The following EBF4 variants were observed in gnomAD, a reference collection of about 807,000 sequenced individuals.
EBF4 encodes EBF transcription factor 4.
In EBF4, 34 loss-of-function variants were observed where a neutral mutation model predicts 67.1. That is an observed-to-expected ratio of 0.51 (90% CI 0.39 to 0.67). The LOEUF is 0.67. EBF4 is among the 30% of genes least tolerant of loss of function. The probability of loss-of-function intolerance (pLI) is 0.00; values close to 1 mark genes in which losing one functional copy is unlikely to be tolerated. For synonymous variants in EBF4, 387 were observed against 377.7 expected, an observed-to-expected ratio of 1.02 and a Z score of -0.29; for missense variants, 837 against 873.3, an observed-to-expected ratio of 0.96 and a Z score of 0.52.
chr20:2,735,696 A>T (rs891643493), intron 6 of EBF4, among the ~76,000 whole-genome samples: 3 of 152,212 alleles, frequency 2.0e-5, no homozygotes, highest in Admixed American at 1.3e-4. Context: ...TTCTATCATG[A>T]ATCAATCAGC....
chr20:2,722,192 C>T (rs1296215716), intron 6 of EBF4, among the ~76,000 whole-genome samples: 1 of 152,116 alleles, frequency 6.6e-6, no homozygotes, highest in East Asian at 1.9e-4. Context: ...TGTGCCACTG[C>T]CCTCATTGAG....
rs565121552 is a variant in EBF4, at chr20:2,737,064, A to C, written c.558-11485A>C. Among the ~76,000 whole-genome samples, 4 of 152,106 alleles carry C rather than the reference A, an allele frequency of 2.6e-5. No individual in the cohort carries two copies. In the East Asian group the frequency reaches 5.8e-4, roughly 22 times the overall value. On this transcript the variant is annotated intron_variant, in intron 6 of 16. Transcript: ENST00000609451. ...GGAGATGGAGACCATCCTGGCTAAC[A>C]CGGTGAAACCCCGTCTCTACTAAAA...
chr20:2,718,616 C>G (rs2087640727), intron 6 of EBF4, among the ~76,000 whole-genome samples: 1 of 152,184 alleles, frequency 6.6e-6, no homozygotes, highest in Non-Finnish European at 1.5e-5. Flanking sequence ...TTTCTAGAAC[C>G]TATAGTGATG....
intron 6 of EBF4, among the ~76,000 whole-genome samples, chr20:2,740,589 G>A (rs996415969): frequency 6.6e-6 from 1 of 152,172 alleles, no homozygotes; most frequent in Non-Finnish European, 1.5e-5. Context: ...ATCTCATGGG[G>A]ATGCAGGGAA....
chr20:2,737,111 G>A (rs183492065), intron 6 of EBF4, among the ~76,000 whole-genome samples: 213 of 151,998 alleles, frequency 1.4e-3, no homozygotes, highest in East Asian at 2.3e-3. Context: ...TTAGCCGGGC[G>A]TGGTGGCGGG....
At chr20:2,752,113 G>A in exon 13 of EBF4, 1 of 1,463,462 alleles carries the variant, frequency 6.8e-7, no homozygotes, top group Non-Finnish European at 9.0e-7. Context: ...CGCGGCGGAC[G>A]TGGCCGAGGC....
intron 6 of EBF4, among the ~76,000 whole-genome samples, chr20:2,744,087 T>TA (rs1434506581): frequency 6.6e-6 from 1 of 151,420 alleles, no homozygotes; most frequent in Non-Finnish European, 1.5e-5. Flanking sequence ...TTTTTTTATT[T>TA]TTTTTTTTTT....
chr20:2,717,999 C>T lies in EBF4; in HGVS notation c.557+8357C>T, dbSNP rs1027558451. Among the ~76,000 whole-genome samples the T allele has an allele frequency of 5.9e-5, 9 of 151,952 alleles. 1 individual carries two copies. Among genetic ancestry groups the T allele is most frequent in the Admixed American group, 2.0e-4 (3 of 15,252 alleles). On this transcript the variant is annotated intron_variant, in intron 6 of 16. Transcript: ENST00000609451. ...CTAATTTTTGTATTTTTAGTAGAGA[C>T]GGAGTTTCACCATGTTGGTCAGGCT...
rs919254993 is a variant in EBF4, at chr20:2,755,377, G to A, written c.1541-250G>A. On this transcript the variant is annotated intron_variant, in intron 14 of 16. Transcript: ENST00000609451. The surrounding 1 kb of genome is among the most constrained non-coding windows in gnomAD (Gnocchi z 4.7). ...CTCCCACTGTTTGTTTTTTTTGAAT[G>A]TTCTGGTTTTGCTTTTGTCTTTACC... 5 of 492,110 alleles carry A rather than the reference G, an allele frequency of 1.0e-5. No individual in the cohort carries two copies. The highest frequency in any genetic ancestry group is 3.8e-5 in the Admixed American group (1 of 26,550). 30.5% of individuals were successfully genotyped at this position (492,110 alleles called of 1,614,324 possible).
At chr20:2,697,544 C>CA (rs756145663) in intron 1 of EBF4, among the ~76,000 whole-genome samples, 21 of 74,250 alleles carry the variant, frequency 2.8e-4, no homozygotes, top group South Asian at 8.9e-4. Flanking sequence ...GACTCTGTCT[C>CA]AAAAAAAAAA....
Position 2,693,711 on chromosome 20 carries a change from C to A in EBF4, c.66C>A (p.Pro22=), listed in dbSNP as rs766839682. Residue 22 remains proline, a synonymous_variant, in exon 1 of 17, where the codon CCC becomes CCA. Coordinates refer to ENST00000609451, the Ensembl canonical transcript of EBF4. This position sits in a 1 kb window ranked among gnomAD's most constrained non-coding sequence, Gnocchi z 4.6. ...ACCTGAAGGAGGAGCCGCTGCTGCC[C>A]GCCGGCCTGGGCTCAGTGCGCTCCT... The A allele has an allele frequency of 7.1e-7, 1 of 1,417,368 alleles. No homozygotes were observed. The highest frequency in any genetic ancestry group is 9.2e-7 in the Non-Finnish European group (1 of 1,091,706). The allele number at this position is 1,417,368 out of a possible 1,614,324, so 87.8% of individuals were successfully genotyped here. A position where few individuals can be genotyped will look rare whatever the true frequency, so the allele number is the denominator to read the frequency against.
At chr20:2,702,576 AT>A (rs1185978607) in intron 1 of EBF4, among the ~76,000 whole-genome samples, 1 of 152,222 alleles carries the variant, frequency 6.6e-6, no homozygotes, top group Non-Finnish European at 1.5e-5. Flanking sequence ...AACATTTTCC[AT>A]TTTACTATTT....
exon 9 of EBF4, chr20:2,749,741 C>G: frequency 6.5e-7 from 1 of 1,541,446 alleles, no homozygotes; most frequent in Non-Finnish European, 8.8e-7. Flanking sequence ...GAAACGTGCT[C>G]GTGTGGAGCG....
intron 6 of EBF4, among the ~76,000 whole-genome samples, chr20:2,742,362 G>C (rs1009400769): frequency 6.6e-6 from 1 of 152,178 alleles, no homozygotes; most frequent in South Asian, 2.1e-4. Context: ...GGTGCTGAGT[G>C]CCTGATGGGT....
At chr20:2,712,077 A>G (rs533165681) in intron 6 of EBF4, among the ~76,000 whole-genome samples, 7 of 152,342 alleles carry the variant, frequency 4.6e-5, no homozygotes, top group Non-Finnish European at 7.3e-5. Context: ...AATGGGGCAG[A>G]GGAAGGCACG....
In EBF4 at chr20:2,693,856, T is replaced by TGCTGGAGCC; in HGVS notation, c.137+75_137+83dup. ...CCGCCTCAGCTCAGCTTGCTGGAGC[T>TGCTGGAGCC]GCTGGAGCCAGGGGCGGAAGGAGCC... On this transcript the variant is annotated intron_variant, in intron 1 of 16. Coordinates refer to ENST00000609451, the Ensembl canonical transcript of EBF4. This position sits in a 1 kb window ranked among gnomAD's most constrained non-coding sequence, Gnocchi z 4.6. 1.0e-5 allele frequency: 13 copies of TGCTGGAGCC among 1,253,974 alleles called. No homozygotes were observed. Among genetic ancestry groups the TGCTGGAGCC allele is most frequent in the East Asian group, 6.3e-5 (2 of 31,688 alleles). The allele number at this position is 1,253,974 out of a possible 1,614,324, so 77.7% of individuals were successfully genotyped here.
At chr20:2,720,392 G>A (rs976426003) in intron 6 of EBF4, among the ~76,000 whole-genome samples, 16 of 152,016 alleles carry the variant, frequency 1.1e-4, no homozygotes, top group Non-Finnish European at 1.9e-4. Flanking sequence ...CACCGCCCCC[G>A]GCCCATTCTT....
chr20:2,758,914 T>C (rs2088283534), exon 16 of EBF4: 3 of 1,551,568 alleles, frequency 1.9e-6, no homozygotes, highest in South Asian at 2.4e-5. Context: ...TGCAGACCAG[T>C]CTTTTGAGGA....
chr20:2,722,306 C>T (rs1455209689), intron 6 of EBF4, among the ~76,000 whole-genome samples: 1 of 151,814 alleles, frequency 6.6e-6, no homozygotes, highest in African/African-American at 2.4e-5. Context: ...ACCCAATGCC[C>T]TATGAATTAC....
Sources: allele counts gnomAD v4.1 joint callset (sites outside exome capture counted in the v4.1 genomes callset), GRCh38; gene constraint gnomAD v4.1.1; non-coding constraint Gnocchi (gnomAD v3.1); transcripts MANE v1.5; gene names NCBI Gene and HGNC (gene_info 2026-07-23, HGNC 2026-07-21).